FHIP1A: variants seen among roughly 807,000 people sequenced by gnomAD.
FHIP1A encodes FHF complex subunit HOOK interacting protein 1A.
FHIP1A carries 61 observed loss-of-function variants against 88.6 expected under a neutral mutation model. That is an observed-to-expected ratio of 0.69 (90% CI 0.56 to 0.85). The LOEUF (loss-of-function observed/expected upper bound fraction) is 0.85. Ranked by LOEUF, FHIP1A falls within the 40% of genes least tolerant of loss-of-function variation. The probability of loss-of-function intolerance (pLI) is 0.00; values close to 1 mark genes in which losing one functional copy is unlikely to be tolerated. For synonymous variants in FHIP1A, 478 were observed against 496.0 expected, an observed-to-expected ratio of 0.96 and a Z score of 0.48; for missense variants, 1,154 against 1,273.5, an observed-to-expected ratio of 0.91 and a Z score of 1.43.
At chr4:151,467,593 G>A (rs1729367454) in intron 2 of FHIP1A, among the ~76,000 whole-genome samples, 1 of 152,116 alleles carries the variant, frequency 6.6e-6, no homozygotes, top group Non-Finnish European at 1.5e-5. Flanking sequence ...ATCAGTGATG[G>A]ACTGGATAAA....
rs552741780 is a variant in FHIP1A at position 151,416,460 on chromosome 4, A to T, written c.-356+6995A>T. On this transcript the variant is annotated intron_variant, in intron 1 of 13. Coordinates refer to ENST00000435205, the MANE Select transcript of FHIP1A (RefSeq NM_001109977.3). ...ATAGAAAAATATGTTTACAAATGTA[A>T]TTTCTATACACACATACATACCCCC... Among the ~76,000 whole-genome samples the T allele has an allele frequency of 2.4e-4, 36 of 152,252 alleles. No individual in the cohort carries two copies. The South Asian group carries it at 6.8e-3, about 29-fold the overall frequency.
chr4:151,610,934 T>C (rs1409553591), intron 7 of FHIP1A, among the ~76,000 whole-genome samples: 1 of 152,200 alleles, frequency 6.6e-6, no homozygotes, highest in Non-Finnish European at 1.5e-5. Flanking sequence ...ACACATTTCT[T>C]TATTCATTTG....
intron 2 of FHIP1A, among the ~76,000 whole-genome samples, chr4:151,465,062 G>T (rs1453193908): frequency 2.0e-5 from 3 of 152,066 alleles, no homozygotes; most frequent in African/African-American, 7.2e-5. Context: ...TTAAAAATTA[G>T]CCAGGCATGG....
chr4:151,447,650 C>G (rs1298882398), intron 1 of FHIP1A, among the ~76,000 whole-genome samples: 2 of 152,114 alleles, frequency 1.3e-5, no homozygotes, highest in East Asian at 3.8e-4. Context: ...GGCCTAACCC[C>G]CAATACCTCA....
intron 8 of FHIP1A, among the ~76,000 whole-genome samples, chr4:151,633,401 A>T (rs1736229247): frequency 6.6e-6 from 1 of 151,978 alleles, no homozygotes; most frequent in Non-Finnish European, 1.5e-5. Context: ...AATTAACATC[A>T]GTCCTCCTTG....
chr4:151,426,988 T>C (rs1393692448), intron 1 of FHIP1A, among the ~76,000 whole-genome samples: 1 of 152,140 alleles, frequency 6.6e-6, no homozygotes, highest in Non-Finnish European at 1.5e-5. Context: ...GCTATTGTGT[T>C]ATATCAGAAG....
intron 3 of FHIP1A, among the ~76,000 whole-genome samples, chr4:151,534,360 G>A (rs960695835): frequency 6.6e-6 from 1 of 152,174 alleles, no homozygotes; most frequent in Non-Finnish European, 1.5e-5. Context: ...GGCACATGGA[G>A]CTTCTATTGT....
chr4:151,497,569 GATTTTTGCCTCCAGAGGATATTTA>G, intron 3 of FHIP1A, among the ~76,000 whole-genome samples: 1 of 152,302 alleles, frequency 6.6e-6, no homozygotes, highest in African/African-American at 2.4e-5. Context: ...AACCAGGGGT[GATTTTTGCCTCCAGAGGATATTTA>G]GCAATGTGTT....
chr4:151,421,074 T>A (rs1266768990), intron 1 of FHIP1A, among the ~76,000 whole-genome samples: 1 of 152,268 alleles, frequency 6.6e-6, no homozygotes, highest in African/African-American at 2.4e-5. Flanking sequence ...CGATTTTTGC[T>A]GTCATCTGTT....
chr4:151,430,207 A>G (rs2126538482), intron 1 of FHIP1A, among the ~76,000 whole-genome samples: 1 of 152,286 alleles, frequency 6.6e-6, no homozygotes, highest in African/African-American at 2.4e-5. Context: ...TACCTTCTTA[A>G]GTCATTCACT....
rs1408727789 is a variant in FHIP1A, at chr4:151,480,031, G to A, written c.-247-2493G>A. ...AGTGTGACTGAATTGTTAACTGCCA[G>A]CTTCCCCCCTTTTTGGCAGGAGACA... On this transcript the variant is annotated intron_variant, in intron 2 of 13. Coordinates refer to ENST00000435205, the MANE Select transcript of FHIP1A (RefSeq NM_001109977.3). Among the ~76,000 whole-genome samples, 3 of 152,070 alleles carry A rather than the reference G, an allele frequency of 2.0e-5. No homozygotes were observed. In the East Asian group the frequency reaches 5.8e-4, roughly 29 times the overall value.
intron 3 of FHIP1A, among the ~76,000 whole-genome samples, chr4:151,518,629 A>G (rs796434493): frequency 3.6e-4 from 38 of 104,292 alleles, no homozygotes; most frequent in African/African-American, 1.3e-3. Flanking sequence ...TCACATAACT[A>G]TCCATTTCCC....
intron 3 of FHIP1A, among the ~76,000 whole-genome samples, chr4:151,509,444 C>T (rs1730947530): frequency 1.3e-5 from 2 of 152,114 alleles, no homozygotes; most frequent in Admixed American, 6.5e-5. Context: ...GGATTACAGG[C>T]GTGAGCCACC....
intron 4 of FHIP1A, among the ~76,000 whole-genome samples, chr4:151,568,346 A>C (rs1733470450): frequency 6.6e-6 from 1 of 152,212 alleles, no homozygotes. Flanking sequence ...TGAGACACTC[A>C]TGGTCTTACT....
intron 1 of FHIP1A, among the ~76,000 whole-genome samples, chr4:151,437,735 T>C (rs543333101): frequency 7.9e-5 from 12 of 152,284 alleles, no homozygotes; most frequent in African/African-American, 2.9e-4. Context: ...TGAATCTTAA[T>C]GGCATGTGAC....
At chr4:151,415,195 GT>G (rs1177634471) in intron 1 of FHIP1A, among the ~76,000 whole-genome samples, 1 of 132,748 alleles carries the variant, frequency 7.5e-6, no homozygotes, top group African/African-American at 2.8e-5. Context: ...TTTTTTTTTT[GT>G]TTTTTTTTGA....
chr4:151,569,802 G>A (rs1445536127), intron 4 of FHIP1A, among the ~76,000 whole-genome samples: 1 of 152,188 alleles, frequency 6.6e-6, no homozygotes, highest in Non-Finnish European at 1.5e-5. Flanking sequence ...CATCCAAGCA[G>A]TCTGTGATTC....
intron 7 of FHIP1A, among the ~76,000 whole-genome samples, chr4:151,622,200 G>A (rs894526394): frequency 2.0e-5 from 3 of 152,144 alleles, no homozygotes; most frequent in African/African-American, 7.2e-5. Flanking sequence ...GAGTCTGAGA[G>A]GTTTAATAAG....
At chr4:151,637,561 G>T (rs1253601707) in intron 8 of FHIP1A, among the ~76,000 whole-genome samples, 2 of 152,114 alleles carry the variant, frequency 1.3e-5, no homozygotes, top group Non-Finnish European at 2.9e-5. Context: ...GGTTACTGTG[G>T]CAATGGATAA....
Sources: allele counts gnomAD v4.1 joint callset (sites outside exome capture counted in the v4.1 genomes callset), GRCh38; gene constraint gnomAD v4.1.1; transcripts MANE v1.5; gene names NCBI Gene and HGNC (gene_info 2026-07-23, HGNC 2026-07-21).